NEK10: variants seen among roughly 807,000 people sequenced by gnomAD.
The protein encoded by NEK10 is serine/threonine-protein kinase Nek10.
Under a neutral mutation model 159.8 loss-of-function variants are expected in NEK10, and 122 were observed. That is an observed-to-expected ratio of 0.76 (90% CI 0.66 to 0.89). The LOEUF (loss-of-function observed/expected upper bound fraction) is 0.89, where lower values mean the gene tolerates loss of function less well. Among genes scored for constraint, NEK10 ranks in the 40% least tolerant of loss-of-function variants. The pLI, the probability that NEK10 is intolerant of heterozygous loss-of-function variation, is 0.00. For missense variants in NEK10, 1,342 were observed against 1,323.1 expected (o/e 1.01, Z -0.22); for synonymous variants, 466 against 457.1 (o/e 1.02, Z -0.25).
At chr3:27,318,805 T>C (rs528344121) in intron 6 of NEK10, among the ~76,000 whole-genome samples, 222 of 152,314 alleles carry the variant, frequency 1.5e-3, no homozygotes, top group African/African-American at 5.1e-3. Flanking sequence ...CTCTGGAAAC[T>C]TGGGACTTAA....
intron 13 of NEK10, among the ~76,000 whole-genome samples, chr3:27,300,181 G>A (rs901851317): frequency 1.3e-5 from 2 of 152,222 alleles, no homozygotes; most frequent in Admixed American, 1.3e-4. Context: ...AACCCAGTGA[G>A]AGGTGATTGA....
Position 27,143,405 on chromosome 3 carries a change from A to C in NEK10, c.2870-1823T>G, listed in dbSNP as rs185079217. On this transcript the variant is annotated intron_variant, in intron 30 of 35. Coordinates refer to ENST00000691995, the MANE Select transcript of NEK10 (RefSeq NM_001394966.1). ...ATGGCAAAGAGTTCTTAGATCTGTG[A>C]TGACATTTTGAATGGGATATCACAT... 1.8e-3 allele frequency: 1,298 copies of C among 734,874 alleles called. 7 individuals are homozygous for C. Among genetic ancestry groups the C allele is most frequent in the Non-Finnish European group, 3.8e-4 (154 of 407,618 alleles). 45.5% of individuals were successfully genotyped at this position (734,874 alleles called of 1,614,324 possible).
chr3:27,277,651 T>C (rs1024899895), intron 22 of NEK10, among the ~76,000 whole-genome samples: 1 of 152,198 alleles, frequency 6.6e-6, no homozygotes, highest in African/African-American at 2.4e-5. Flanking sequence ...TTACCCTTCC[T>C]GCTTAACTCT....
intron 23 of NEK10, among the ~76,000 whole-genome samples, chr3:27,206,204 A>G (rs1950528315): frequency 6.6e-6 from 1 of 152,058 alleles, no homozygotes; most frequent in South Asian, 2.1e-4. Context: ...CTCTTGAAAC[A>G]CTGCTATGTT....
At position 27,284,714 on chromosome 3, in the gene NEK10, A is replaced by T. The variant is rs781405826; in HGVS notation, c.1912-10T>A. The T allele has an allele frequency of 2.5e-6, 4 of 1,591,924 alleles. No individual in the cohort carries two copies. The African/African-American group carries it at 5.4e-5, about 21-fold the overall frequency. On this transcript the variant is annotated splice_polypyrimidine_tract_variant and intron_variant, in intron 21 of 35. Transcript: ENST00000691995. Reference sequence around the variant, plus strand: ...GAAGAGCTAAGCACAGCTTGAAACAATGAATAGAAAACAAATTTTATTTCC... The same window carrying T: ...GAAGAGCTAAGCACAGCTTGAAACATTGAATAGAAAACAAATTTTATTTCC...
intron 35 of NEK10, 55 bp from the exon 36 acceptor site, chr3:27,111,375 T>C: frequency 2.2e-6 from 3 of 1,370,076 alleles, no homozygotes; most frequent in South Asian, 2.9e-5. Context: ...TTTTAGTTCA[T>C]ACATTCAATT....
At position 27,304,923 on chromosome 3, in the gene NEK10, T is replaced by C. The variant is rs2044119320; in HGVS notation, c.852A>G (p.Lys284=). ...LRLLCAEPQV[K]EQVKLYEGIP... is the part of the protein sequence containing the mutation. ...TCCCCTCATAGAGCTTCACCTGCTC[T>C]TTCACCTGGGGCTCTGCACAAAGTA... The change falls in exon 12 of 36, where the codon AAA becomes AAG. Residue 284 remains lysine, a synonymous_variant. Coordinates refer to ENST00000691995, the MANE Select transcript of NEK10 (RefSeq NM_001394966.1). The C allele has an allele frequency of 6.2e-7, 1 of 1,613,458 alleles. No homozygotes were observed.
intron 22 of NEK10, among the ~76,000 whole-genome samples, chr3:27,282,617 T>TTA (rs1195413741): frequency 7.7e-6 from 1 of 129,828 alleles, no homozygotes; most frequent in African/African-American, 3.0e-5. Context: ...CATAACTGTG[T>TTA]TATATATATA....
chr3:27,221,103 T>C (rs746868266), intron 23 of NEK10, among the ~76,000 whole-genome samples: 3 of 152,206 alleles, frequency 2.0e-5, no homozygotes, highest in Non-Finnish European at 4.4e-5. Context: ...TTTGTGATTT[T>C]GGATTACACA....
At chr3:27,117,330 T>C (rs2125426057) in intron 33 of NEK10, among the ~76,000 whole-genome samples, 1 of 152,358 alleles carries the variant, frequency 6.6e-6, no homozygotes. Flanking sequence ...TATTTTTCTT[T>C]GGGTATATAC....
chr3:27,353,401 A>T (rs2048110455), intron 1 of NEK10, among the ~76,000 whole-genome samples: 1 of 152,162 alleles, frequency 6.6e-6, no homozygotes, highest in Non-Finnish European at 1.5e-5. Context: ...TTATTGTCTT[A>T]TAATAGCATG....
intron 23 of NEK10, among the ~76,000 whole-genome samples, chr3:27,240,620 A>T (rs1954440851): frequency 6.6e-6 from 1 of 150,948 alleles, no homozygotes; most frequent in African/African-American, 2.4e-5. Context: ...GAATATTCTT[A>T]CCTCATTCTG....
At position 27,344,238 on chromosome 3, in the gene NEK10, T is replaced by G. The variant is rs1290810201; in HGVS notation, c.362+34A>C. 1.0e-5 allele frequency: 10 copies of G among 993,604 alleles called. No homozygotes were observed. The Admixed American group carries it at 1.9e-4, about 19-fold the overall frequency. The allele number at this position is 993,604 out of a possible 1,614,324, so 61.5% of individuals were successfully genotyped here. On this transcript the variant is annotated intron_variant, in intron 5 of 35. Coordinates refer to ENST00000691995, the MANE Select transcript of NEK10 (RefSeq NM_001394966.1). ...CAAGATAGATGACATATGCCACTCTTCAGTAAAAGCCTGTTTTCCAGGAAC... is the reference window on the plus strand; with the variant it reads ...CAAGATAGATGACATATGCCACTCTGCAGTAAAAGCCTGTTTTCCAGGAAC...
At chr3:27,301,060 G>A (rs761507522) in intron 13 of NEK10, among the ~76,000 whole-genome samples, 4 of 152,058 alleles carry the variant, frequency 2.6e-5, no homozygotes, top group Non-Finnish European at 5.9e-5. Context: ...CTCCCTTTCT[G>A]TGGGCCGCTC....
chr3:27,144,588 G>C (rs1054408325), intron 30 of NEK10, among the ~76,000 whole-genome samples: 3 of 152,104 alleles, frequency 2.0e-5, no homozygotes, highest in African/African-American at 7.2e-5. Flanking sequence ...GTGCCAATCT[G>C]ATTGCTTTTG....
At chr3:27,195,444 T>C (rs748882912) in intron 25 of NEK10, among the ~76,000 whole-genome samples, 38 of 152,240 alleles carry the variant, frequency 2.5e-4, no homozygotes, top group Non-Finnish European at 4.7e-4. Context: ...TAAGTCAAAT[T>C]TTCTAAAGAT....
chr3:27,358,891 G>A (rs1185009073), intron 1 of NEK10, among the ~76,000 whole-genome samples: 1 of 152,058 alleles, frequency 6.6e-6, no homozygotes, highest in African/African-American at 2.4e-5. Flanking sequence ...ATTTACTAAT[G>A]GTTAAAAACG....
intron 31 of NEK10, among the ~76,000 whole-genome samples, chr3:27,138,419 A>C (rs1460719511): frequency 6.6e-6 from 1 of 152,206 alleles, no homozygotes; most frequent in Non-Finnish European, 1.5e-5. Context: ...CAGTAAGGTC[A>C]GGACTTCGAC....
intron 13 of NEK10, among the ~76,000 whole-genome samples, chr3:27,300,274 T>C (rs1291841174): frequency 1.3e-5 from 2 of 152,146 alleles, no homozygotes; most frequent in African/African-American, 4.8e-5. Context: ...TAAAATGTTT[T>C]TTTTGTAAAA....
Sources: gnomAD v4.1 joint callset for allele counts (sites outside exome capture counted in the v4.1 genomes callset) on GRCh38, gnomAD v4.1.1 for gene constraint, MANE v1.5 for transcripts, NCBI Gene and HGNC (gene_info 2026-07-23, HGNC 2026-07-21) for gene names.